IGSF9B: variants seen among roughly 807,000 people sequenced by gnomAD.
IGSF9B encodes protein turtle homolog B.
In IGSF9B, 48 loss-of-function variants were observed where a neutral mutation model predicts 143.7. That is an observed-to-expected ratio of 0.33 (90% CI 0.26 to 0.42). IGSF9B has a LOEUF of 0.42. IGSF9B is among the 20% of genes least tolerant of loss of function. The pLI is 1.00. For synonymous variants in IGSF9B, 903 were observed against 833.1 expected (o/e 1.08, Z -1.44); for missense variants, 1,706 against 1,980.0 (o/e 0.86, Z 2.63).
rs1264370015 is a variant in IGSF9B at position 133,902,100 on chromosome 11, C to T, written c.*6969G>A. On this transcript the variant is annotated 3_prime_UTR_variant, in exon 20 of 20. Transcript: ENST00000533871. ...CACACCACATACAATACACAAAACA[C>T]ATAGCACACACACACACCACACACA... Among the ~76,000 whole-genome samples the T allele has an allele frequency of 1.4e-5, 2 of 146,870 alleles. No individual in the cohort carries two copies. The highest frequency in any genetic ancestry group is 5.0e-5 in the African/African-American group (2 of 39,630).
chr11:133,910,028 C>T (rs1196642719), intron 19 of IGSF9B, among the ~76,000 whole-genome samples: 3 of 152,170 alleles, frequency 2.0e-5, no homozygotes, highest in Non-Finnish European at 4.4e-5. Context: ...GTGCAAGCCC[C>T]AAGTTAAGGG....
At position 133,936,013 on chromosome 11, in the gene IGSF9B, G is replaced by C. The variant is rs1269690170; in HGVS notation, c.821+40C>G. The C allele has an allele frequency of 3.7e-6, 6 of 1,604,616 alleles. No individual in the cohort carries two copies. In the Admixed American group the frequency reaches 1.0e-4, roughly 27 times the overall value. On this transcript the variant is annotated intron_variant, in intron 6 of 19. Coordinates refer to ENST00000533871, the MANE Select transcript of IGSF9B (RefSeq NM_001277285.4). ...TCAGGGGCCCTGCCCGTGGGGGCTG[G>C]GGTGGCAACCTCATTGAAAAGTCAG...
In IGSF9B at chr11:133,897,590, G is replaced by C. The variant is rs954178999; in HGVS notation, c.*11479C>G. 1 of 152,160 alleles carries C rather than the reference G, an allele frequency of 6.6e-6. No individual in the cohort carries two copies. The highest frequency in any genetic ancestry group is 1.5e-5 in the Non-Finnish European group (1 of 68,062). The allele number at this position is 152,160 out of a possible 1,614,324, so 9.4% of individuals were successfully genotyped here. A position where few individuals can be genotyped will look rare whatever the true frequency, so the allele number is the denominator to read the frequency against. On this transcript the variant is annotated 3_prime_UTR_variant, in exon 20 of 20. Coordinates refer to ENST00000533871, the MANE Select transcript of IGSF9B (RefSeq NM_001277285.4). ...TTTGAGAAGAGGGTGATAGAGCAGG[G>C]AGCTCCTCACAGACAGGTTATACAG... is the stretch of plus-strand genomic sequence containing the variant.
rs114264751 is a variant in IGSF9B, at chr11:133,921,085, G to T, written c.2640C>A (p.Ala880=). ...KSRRIEGFPF[A]EETDMYPEFR... ...ACTCGGGGTACATGTCCGTCTCCTC[G>T]GCGAAGGGGAAGCCCTCGATGCGCC... The change falls in exon 18 of 20, where the codon GCC becomes GCA. Residue 880 remains alanine, a synonymous_variant. Transcript: ENST00000533871. 1 of 1,613,832 alleles carries T rather than the reference G, an allele frequency of 6.2e-7. No homozygotes were observed. The highest frequency in any genetic ancestry group is 8.5e-7 in the Non-Finnish European group (1 of 1,179,864).
At position 133,920,578 on chromosome 11, in the gene IGSF9B, C is replaced by A. The variant is rs1331376257; in HGVS notation, c.3147G>T (p.Gly1049=). The A allele has an allele frequency of 6.2e-7, 1 of 1,613,192 alleles. No individual in the cohort carries two copies. ...GGAACATCATCGCTGGGGTCTCCAG[C>A]CCCCCGAAGGGGAATTCTGGCCGGC... is the stretch of plus-strand genomic sequence containing the variant. ...PWGRPEFPFG[G]LETPAMMFPH... Residue 1049 remains glycine, a synonymous_variant, in exon 18 of 20, where the codon GGG becomes GGT. Transcript: ENST00000533871.
chr11:133,941,146 T>C (rs748168665), intron 3 of IGSF9B, among the ~76,000 whole-genome samples: 12 of 152,244 alleles, frequency 7.9e-5, no homozygotes, highest in Non-Finnish European at 1.3e-4. Flanking sequence ...AGGAAAATAA[T>C]GGCTTGACTG....
Position 133,907,183 on chromosome 11 carries a change from G to A in IGSF9B, c.*1886C>T, listed in dbSNP as rs1939222134. Among the ~76,000 whole-genome samples the A allele has an allele frequency of 6.6e-6, 1 of 152,166 alleles. No individual in the cohort carries two copies. Among genetic ancestry groups the A allele is most frequent in the Non-Finnish European group, 1.5e-5 (1 of 68,032 alleles). On this transcript the variant is annotated 3_prime_UTR_variant, in exon 20 of 20. Coordinates refer to ENST00000533871, the MANE Select transcript of IGSF9B (RefSeq NM_001277285.4). ...GATGTGTTCAGAAAGGAACTGCGGT[G>A]GTGTTACTTGCACGGTAAACCTCAA...
rs1565412800 is a variant in IGSF9B at position 133,909,211 on chromosome 11, C to T, written c.4172G>A (p.Cys1391Tyr). The T allele has an allele frequency of 6.5e-7, 1 of 1,535,762 alleles. No individual in the cohort carries two copies. Among genetic ancestry groups the T allele is most frequent in the Non-Finnish European group, 8.7e-7 (1 of 1,146,728 alleles). The change falls in exon 20 of 20, where the codon TGC becomes TAC. Residue 1391 changes from cysteine to tyrosine, a missense_variant. By Grantham distance (194) the Cys-to-Tyr change is radical. Around this residue, in one of 7 missense-constraint regions of IGSF9B, gnomAD observed 880 missense variants for 762.9 expected, o/e 1.15. Transcript: ENST00000533871. The surrounding 1 kb of genome is among the most constrained non-coding windows in gnomAD (Gnocchi z 4.2). ...AGAATGTCTCTTCTTCTTTCGGAGG[C>T]AGACAGCTTCATCGGGCCACAGAAC... ...SQVLWPDEAV[C>Y]LRKKKRHSRP...
In IGSF9B at chr11:133,925,698, C is replaced by T. The variant is rs535405009; in HGVS notation, c.2034+41G>A. 24 of 1,564,202 alleles carry T rather than the reference C, an allele frequency of 1.5e-5. No individual in the cohort carries two copies. In the East Asian group the frequency reaches 2.1e-4, roughly 13 times the overall value. ...GTGCCTCTAGAGTCTTGTCGCTTCCCGGATTTGGGAAGCAGCAGCAAGGAA... is the reference window on the plus strand; with the variant it reads ...GTGCCTCTAGAGTCTTGTCGCTTCCTGGATTTGGGAAGCAGCAGCAAGGAA... On this transcript the variant is annotated intron_variant, in intron 14 of 19. Coordinates refer to ENST00000533871, the MANE Select transcript of IGSF9B (RefSeq NM_001277285.4).
rs1939262759 is a variant in IGSF9B, at chr11:133,909,170, C to A, written c.4213G>T (p.Ala1405Ser). Residue 1405 changes from alanine (A) to serine (S), a missense_variant, in exon 20 of 20, where the codon GCC (alanine) becomes TCC (serine). By Grantham distance (99) the Ala-to-Ser change is moderately conservative. This residue lies in a region of IGSF9B where 880 missense variants were observed against 762.9 expected (regional missense o/e 1.15). Coordinates refer to ENST00000533871, the MANE Select transcript of IGSF9B (RefSeq NM_001277285.4). This position sits in a 1 kb window ranked among gnomAD's most constrained non-coding sequence, Gnocchi z 4.2. ...CGGTGGCACAAGTCTGAGAGCCGGGCAAAGGGGTCAGGACGAGAATGTCTC... is the reference window on the plus strand; with the variant it reads ...CGGTGGCACAAGTCTGAGAGCCGGGAAAAGGGGTCAGGACGAGAATGTCTC... ...KKRHSRPDPF[A>S]RLSDLCHRQL... The A allele has an allele frequency of 6.5e-7, 1 of 1,535,920 alleles. No homozygotes were observed. The highest frequency in any genetic ancestry group is 2.0e-5 in the Admixed American group (1 of 51,002).
rs796694600 is a variant in IGSF9B at position 133,907,915 on chromosome 11, C to T, written c.*1154G>A. ...GTCGGCAGGCAGCACGTGGTGAGTG[C>T]GGGAAAGCCACAGGCGGCTCCGCAC... On this transcript the variant is annotated 3_prime_UTR_variant, in exon 20 of 20. Coordinates refer to ENST00000533871, the MANE Select transcript of IGSF9B (RefSeq NM_001277285.4). Among the ~76,000 whole-genome samples, 8 of 152,284 alleles carry T rather than the reference C, an allele frequency of 5.3e-5. No homozygotes were observed. Among genetic ancestry groups the T allele is most frequent in the Admixed American group, 1.3e-4 (2 of 15,308 alleles).
Position 133,917,275 on chromosome 11 carries a change from G to A in IGSF9B, c.3983+2467C>T, listed in dbSNP as rs75952732. ...GCTACTGTGAGAGGGAGCGAGCTTC[G>A]GGTGGCCCTGAGTCTCTGTGAGGGA... On this transcript the variant is annotated intron_variant, in intron 18 of 19. Transcript: ENST00000533871. Among the ~76,000 whole-genome samples the A allele has an allele frequency of 7.8e-3, 1,182 of 152,248 alleles. 25 individuals carry two copies. Among genetic ancestry groups the A allele is most frequent in the African/African-American group, 0.027 (1,104 of 41,544 alleles).
In IGSF9B at chr11:133,909,424, T is replaced by C; in HGVS notation, c.4106-147A>G. ...CTGAGTCTAGAGAGACCAGACCGAATTGCTGCAGAGAAACCACCTTCTTTT... is the reference window on the plus strand; with the variant it reads ...CTGAGTCTAGAGAGACCAGACCGAACTGCTGCAGAGAAACCACCTTCTTTT... On this transcript the variant is annotated intron_variant, in intron 19 of 19. Transcript: ENST00000533871. This position sits in a 1 kb window ranked among gnomAD's most constrained non-coding sequence, Gnocchi z 4.2. 1.5e-6 allele frequency: 1 copy of C among 686,506 alleles called. No individual in the cohort carries two copies. The highest frequency in any genetic ancestry group is 2.4e-6 in the Non-Finnish European group (1 of 409,546). The allele number at this position is 686,506 out of a possible 1,614,324, so 42.5% of individuals were successfully genotyped here.
At chr11:133,938,921 T>A (rs1939873286) in intron 3 of IGSF9B, among the ~76,000 whole-genome samples, 1 of 152,094 alleles carries the variant, frequency 6.6e-6, no homozygotes, top group Non-Finnish European at 1.5e-5. Flanking sequence ...GGAATAAACA[T>A]GTAAAAAGGA....
intron 7 of IGSF9B, among the ~76,000 whole-genome samples, chr11:133,934,518 G>A (rs997217839): frequency 6.6e-6 from 1 of 152,360 alleles, no homozygotes; most frequent in East Asian, 1.9e-4. Flanking sequence ...CTAAAGCTTG[G>A]GCCTGGGAAT....
chr11:133,911,604 G>A (rs1047950388), intron 19 of IGSF9B, among the ~76,000 whole-genome samples: 3 of 152,164 alleles, frequency 2.0e-5, no homozygotes, highest in Non-Finnish European at 2.9e-5. Flanking sequence ...TGCTGAAAAC[G>A]ACAGTTCTCC....
At position 133,944,233 on chromosome 11, in the gene IGSF9B, G is replaced by A. The variant is rs1409217677; in HGVS notation, c.396C>T (p.His132=). 6.2e-7 allele frequency: 1 copy of A among 1,607,808 alleles called. No homozygotes were observed. The change falls in exon 3 of 20, where the codon CAC becomes CAT. Residue 132 remains histidine, a synonymous_variant. Coordinates refer to ENST00000533871, the MANE Select transcript of IGSF9B (RefSeq NM_001277285.4). ...YDTFHNGSWV[H]LTINAPPTFT... is the part of the protein sequence containing the mutation. ...GCCGTCACTCACCGTTGATGGTGAG[G>A]TGGACCCAGCTGCCATTGTGGAAGG...
intron 5 of IGSF9B, among the ~76,000 whole-genome samples, chr11:133,936,982 C>T (rs1939835770): frequency 6.6e-6 from 1 of 152,230 alleles, no homozygotes; most frequent in Non-Finnish European, 1.5e-5. Flanking sequence ...ATTTAAATGT[C>T]TGGGGCTTGG....
At chr11:133,946,629 T>C (rs551529241) in intron 1 of IGSF9B, among the ~76,000 whole-genome samples, 1 of 152,166 alleles carries the variant, frequency 6.6e-6, no homozygotes, top group East Asian at 1.9e-4. Flanking sequence ...GTCCAGGACA[T>C]GGAGGTGAGG....
Sources: gnomAD v4.1 joint callset for allele counts (sites outside exome capture counted in the v4.1 genomes callset) on GRCh38, gnomAD v4.1.1 for gene constraint, gnomAD v4.1.1 regional missense constraint, Gnocchi (gnomAD v3.1) non-coding constraint, MANE v1.5 for transcripts, NCBI Gene and HGNC (gene_info 2026-07-23, HGNC 2026-07-21) for gene names.